The following SPATA17 variants were observed in gnomAD, a reference collection of about 807,000 sequenced individuals.
SPATA17 encodes the protein spermatogenesis associated 17.
A neutral mutation model predicts 62.2 loss-of-function variants in SPATA17; 53 were observed. The observed-to-expected ratio is 0.85, with a 90% CI of 0.68 to 1.07. The LOEUF (loss-of-function observed/expected upper bound fraction) is 1.07, where lower values mean the gene tolerates loss of function less well. SPATA17 is among the 50% of genes least tolerant of loss of function. The probability of loss-of-function intolerance (pLI) is 0.00; values close to 1 mark genes in which losing one functional copy is unlikely to be tolerated. For synonymous variants in SPATA17, 146 were observed against 146.8 expected (o/e 0.99, Z 0.04); for missense variants, 466 against 425.5 (o/e 1.10, Z -0.84).
At chr1:217,765,198 A>C (rs908118591) in intron 6 of SPATA17, among the ~76,000 whole-genome samples, 1 of 150,416 alleles carries the variant, frequency 6.6e-6, no homozygotes, top group Non-Finnish European at 1.5e-5. Context: ...AATTAATTTT[A>C]TTTATCTTTC....
intron 5 of SPATA17, among the ~76,000 whole-genome samples, chr1:217,731,526 C>A (rs1045366625): frequency 3.3e-5 from 5 of 152,170 alleles, no homozygotes; most frequent in Non-Finnish European, 7.4e-5. Context: ...CCTATCAATT[C>A]TTTTCCTAGC....
chr1:217,774,493 C>A lies in SPATA17; in HGVS notation c.679C>A (p.Pro227Thr). 6.2e-7 allele frequency: 1 copy of A among 1,614,010 alleles called. No individual in the cohort carries two copies. Among genetic ancestry groups the A allele is most frequent in the Non-Finnish European group, 8.5e-7 (1 of 1,179,936 alleles). ...AGCTTGTACAAGCGCCCGTTCTTTT[C>A]CTCGGTCTGAAATTCTACCACCTAT... ...WLACTSARSF[P>T]RSEILPPINR... Residue 227 changes from proline (P) to threonine (T), a missense_variant, in exon 7 of 11, where the codon CCT becomes ACT. Pro to Thr is a conservative substitution (Grantham distance 38). Coordinates refer to ENST00000366933, the MANE Select transcript of SPATA17 (RefSeq NM_138796.4).
intron 9 of SPATA17, among the ~76,000 whole-genome samples, chr1:217,850,165 A>G (rs936619896): frequency 6.6e-6 from 1 of 152,194 alleles, no homozygotes; most frequent in African/African-American, 2.4e-5. Context: ...CTTCTAATGA[A>G]TAATTTCAAA....
chr1:217,756,891 T>C (rs753913088), intron 6 of SPATA17, among the ~76,000 whole-genome samples: 2 of 152,246 alleles, frequency 1.3e-5, no homozygotes, highest in African/African-American at 4.8e-5. Flanking sequence ...CTGTTACACA[T>C]TGGTTTGTAA....
At chr1:217,708,804 T>C (rs1671794719) in intron 5 of SPATA17, among the ~76,000 whole-genome samples, 1 of 151,708 alleles carries the variant, frequency 6.6e-6, no homozygotes, top group South Asian at 2.1e-4. Context: ...GCAAACCATA[T>C]CCAGCAGCAC....
intron 10 of SPATA17, among the ~76,000 whole-genome samples, chr1:217,864,351 G>T (rs761438780): frequency 1.3e-5 from 2 of 152,052 alleles, no homozygotes; most frequent in Non-Finnish European, 2.9e-5. Context: ...ACACATATAA[G>T]GCAGTACTAT....
chr1:217,851,058 A>G (rs1185493855), intron 9 of SPATA17, among the ~76,000 whole-genome samples: 2 of 152,138 alleles, frequency 1.3e-5, no homozygotes, highest in African/African-American at 4.8e-5. Context: ...AACTTAATAA[A>G]TATTTGCTGA....
chr1:217,807,676 GA>G, intron 9 of SPATA17, among the ~76,000 whole-genome samples: 1 of 151,924 alleles, frequency 6.6e-6, no homozygotes, highest in East Asian at 1.9e-4. Context: ...AAGGGCTTCA[GA>G]ATTAAGAACA....
chr1:217,636,460 C>G (rs759457791), intron 1 of SPATA17, among the ~76,000 whole-genome samples: 8 of 152,120 alleles, frequency 5.3e-5, no homozygotes, highest in Non-Finnish European at 1.0e-4. Flanking sequence ...GTTGCCCAGG[C>G]TGGAGTGCAG....
chr1:217,863,990 C>T (rs1354007409), intron 10 of SPATA17, among the ~76,000 whole-genome samples: 1 of 152,162 alleles, frequency 6.6e-6, no homozygotes, highest in Non-Finnish European at 1.5e-5. Flanking sequence ...TTCCTCTCTC[C>T]CCACTGAGTG....
chr1:217,795,954 C>T (rs965870246), intron 8 of SPATA17, among the ~76,000 whole-genome samples: 5 of 152,154 alleles, frequency 3.3e-5, no homozygotes, highest in African/African-American at 4.8e-5. Context: ...CTCACCACCA[C>T]GCCCAGCTGA....
chr1:217,771,481 A>G (rs1359027986), intron 6 of SPATA17, among the ~76,000 whole-genome samples: 1 of 152,152 alleles, frequency 6.6e-6, no homozygotes, highest in Non-Finnish European at 1.5e-5. Flanking sequence ...CAATTGAGAC[A>G]ATAGTATGTT....
chr1:217,763,581 A>G (rs1673224536), intron 6 of SPATA17, among the ~76,000 whole-genome samples: 1 of 152,326 alleles, frequency 6.6e-6, no homozygotes, highest in Admixed American at 6.5e-5. Flanking sequence ...AAAGCTAATG[A>G]CAGCTTTTTA....
intron 9 of SPATA17, among the ~76,000 whole-genome samples, chr1:217,822,654 AATAT>A (rs1216494048): frequency 6.1e-5 from 9 of 148,162 alleles, no homozygotes; most frequent in Non-Finnish European, 1.2e-4. Context: ...ATATAAAATA[AATAT>A]ATATTTTATA....
intron 3 of SPATA17, among the ~76,000 whole-genome samples, chr1:217,667,367 A>T (rs1670723734): frequency 6.6e-6 from 1 of 152,028 alleles, no homozygotes; most frequent in African/African-American, 2.4e-5. Context: ...CTTATAGTTA[A>T]ATTACATACT....
chr1:217,787,434 A>G (rs1571805914), intron 8 of SPATA17, among the ~76,000 whole-genome samples: 1 of 152,076 alleles, frequency 6.6e-6, no homozygotes. Context: ...TTCTGTAAAG[A>G]ACTTTGTGCT....
At chr1:217,650,175 G>A (rs1571704749) in intron 2 of SPATA17, among the ~76,000 whole-genome samples, 2 of 152,162 alleles carry the variant, frequency 1.3e-5, no homozygotes, top group East Asian at 3.9e-4. Context: ...CCGACCTCAG[G>A]TGATCCGCCC....
At chr1:217,700,083 C>T (rs543850306) in intron 5 of SPATA17, among the ~76,000 whole-genome samples, 175 of 152,158 alleles carry the variant, frequency 1.2e-3, no homozygotes, top group Non-Finnish European at 2.2e-3. Context: ...TAAACCTTAA[C>T]GTTGGGCAGG....
In SPATA17 at chr1:217,683,263, G is replaced by C; in HGVS notation, c.297G>C (p.Gln99His). The C allele has an allele frequency of 6.3e-7, 1 of 1,598,568 alleles. No homozygotes were observed. The highest frequency in any genetic ancestry group is 8.5e-7 in the Non-Finnish European group (1 of 1,171,472). ...CTCTTTATTTACTTTAATAGATTCA[G>C]AGACGATGGCGAGGCTATAGGGTTC... ...NLYNAMAVRI[Q>H]RRWRGYRVRK... The change falls in exon 5 of 11, where the codon CAG becomes CAC. Residue 99 changes from glutamine (Q) to histidine (H), a missense_variant. Transcript: ENST00000366933.
Sources: allele counts gnomAD v4.1 joint callset (sites outside exome capture counted in the v4.1 genomes callset), GRCh38; gene constraint gnomAD v4.1.1; transcripts MANE v1.5; gene names NCBI Gene and HGNC (gene_info 2026-07-23, HGNC 2026-07-21).